DMD: variants seen among roughly 807,000 people sequenced by gnomAD.
DMD encodes the protein dystrophin.
DMD carries 63 observed loss-of-function variants against 330.1 expected under a neutral mutation model. That is an observed-to-expected ratio of 0.19 (90% CI 0.16 to 0.24). DMD has a LOEUF of 0.24. DMD is among the 10% of genes least tolerant of loss of function. The probability of loss-of-function intolerance (pLI) is 1.00; values close to 1 mark genes in which losing one functional copy is unlikely to be tolerated. For synonymous variants in DMD, 1,223 were observed against 959.8 expected (o/e 1.27, Z -5.07); for missense variants, 3,344 against 2,684.1 (o/e 1.25, Z -5.43).
rs766629288 is a variant in DMD, at chrX:32,197,541, G to C, written c.6438+19375C>G. 7.2e-5 allele frequency among the ~76,000 whole-genome samples: 8 copies of C among 111,235 alleles called. No individual in the cohort carries two copies. The South Asian group carries it at 3.1e-3, about 43-fold the overall frequency. ...CACTTAGCCCAGCAGTGAACTTCAGGGGGTCAATAGCATGCAAATATGTAT... is the reference window on the plus strand; with the variant it reads ...CACTTAGCCCAGCAGTGAACTTCAGCGGGTCAATAGCATGCAAATATGTAT... On this transcript the variant is annotated intron_variant, in intron 44 of 78. Transcript: ENST00000357033.
At chrX:31,510,827 T>G (rs1453466499) in intron 55 of DMD, among the ~76,000 whole-genome samples, 1 of 110,788 alleles carries the variant, frequency 9.0e-6, no homozygotes, top group African/African-American at 3.3e-5. Flanking sequence ...TCTTTTCACT[T>G]CTCATTTAGC....
intron 7 of DMD, among the ~76,000 whole-genome samples, chrX:32,739,256 C>A (rs1326678154): frequency 1.8e-5 from 2 of 111,875 alleles, no homozygotes; most frequent in East Asian, 5.6e-4. Flanking sequence ...ATGCTGTCCT[C>A]CCTACTGTTC....
intron 60 of DMD, among the ~76,000 whole-genome samples, chrX:31,443,936 G>A (rs746952888): frequency 1.8e-5 from 2 of 111,441 alleles, no homozygotes; most frequent in Admixed American, 9.5e-5. Flanking sequence ...CTGATCCCCC[G>A]TGTTGGTGGT....
intron 1 of DMD, among the ~76,000 whole-genome samples, chrX:33,327,489 T>C (rs1217496646): frequency 1.8e-5 from 2 of 112,000 alleles, no homozygotes; most frequent in African/African-American, 6.5e-5. Context: ...TTAACTCACC[T>C]AATCCGTATT....
intron 43 of DMD, among the ~76,000 whole-genome samples, chrX:32,230,913 A>T (rs11798439): frequency 0.096 from 10,753 of 111,917 alleles, 528 homozygotes; most frequent in Admixed American, 0.15. Context: ...TTTAGAAAAT[A>T]TTAAGTTATC....
intron 42 of DMD, among the ~76,000 whole-genome samples, chrX:32,294,779 C>T (rs1023831624): frequency 7.2e-5 from 8 of 110,997 alleles, no homozygotes; most frequent in African/African-American, 2.6e-4. Flanking sequence ...CAAGGCACTG[C>T]ACACAGAAAA....
intron 48 of DMD, among the ~76,000 whole-genome samples, chrX:31,872,965 G>T (rs2093915480): frequency 1.8e-5 from 2 of 110,916 alleles, no homozygotes; most frequent in Admixed American, 1.9e-4. Context: ...CTGAGACGAT[G>T]ATGTGTTTTG....
intron 25 of DMD, among the ~76,000 whole-genome samples, chrX:32,461,474 A>G (rs955460044): frequency 3.6e-5 from 4 of 111,489 alleles, no homozygotes; most frequent in Admixed American, 1.9e-4. Flanking sequence ...GCTTGGATCT[A>G]TAGCTTTTTT....
At chrX:32,551,956 T>C (rs1273465400) in intron 16 of DMD, among the ~76,000 whole-genome samples, 1 of 111,873 alleles carries the variant, frequency 8.9e-6, no homozygotes, top group Non-Finnish European at 1.9e-5. Flanking sequence ...AATTACAAAA[T>C]ATTGCTCAAG....
chrX:32,554,301 C>A (rs1457001282), intron 16 of DMD, among the ~76,000 whole-genome samples: 1 of 110,505 alleles, frequency 9.0e-6, no homozygotes, highest in Non-Finnish European at 1.9e-5. Flanking sequence ...GAAAAACCCT[C>A]CAAAAAACTA....
At chrX:31,448,780 T>G (rs2065475252) in intron 59 of DMD, among the ~76,000 whole-genome samples, 1 of 111,995 alleles carries the variant, frequency 8.9e-6, no homozygotes, top group African/African-American at 3.2e-5. Context: ...AGTCTAATTT[T>G]ATTATGACTA....
chrX:31,458,670 T>G (rs760822357), intron 59 of DMD, among the ~76,000 whole-genome samples: 37 of 110,519 alleles, frequency 3.3e-4, no homozygotes, highest in Non-Finnish European at 6.4e-4. Flanking sequence ...GTGGGGGTGA[T>G]GCTGCATTGA....
At chrX:32,670,452 C>A (rs997817004) in intron 9 of DMD, among the ~76,000 whole-genome samples, 6 of 111,818 alleles carry the variant, frequency 5.4e-5, no homozygotes, top group East Asian at 5.6e-4. Context: ...TTTTACTCTG[C>A]CTCTTACTAG....
At chrX:31,296,949 A>C (rs2054235105) in intron 62 of DMD, among the ~76,000 whole-genome samples, 1 of 112,149 alleles carries the variant, frequency 8.9e-6, no homozygotes, top group African/African-American at 3.2e-5. Context: ...TTTCTATGTC[A>C]TAACACATGC....
At chrX:31,886,904 C>A (rs892457347) in intron 47 of DMD, among the ~76,000 whole-genome samples, 7 of 111,960 alleles carry the variant, frequency 6.3e-5, no homozygotes, top group Non-Finnish European at 1.3e-4. Flanking sequence ...CACATGTATA[C>A]TTCTATAGAA....
At chrX:32,207,051 TA>T (rs983880688) in intron 44 of DMD, among the ~76,000 whole-genome samples, 1 of 111,078 alleles carries the variant, frequency 9.0e-6, no homozygotes, top group Non-Finnish European at 1.9e-5. Flanking sequence ...TTTAATAAAG[TA>T]AAAAAAATGA....
intron 40 of DMD, 130 bp downstream of exon 40, chrX:32,343,004 A>G (rs1484555051): frequency 1.5e-6 from 1 of 665,370 alleles, no homozygotes. Context: ...ACAACACACA[A>G]TACAAGGAAA....
chrX:32,286,129 T>C (rs1161329388), intron 43 of DMD, among the ~76,000 whole-genome samples: 3 of 111,138 alleles, frequency 2.7e-5, no homozygotes, highest in Non-Finnish European at 5.7e-5. Flanking sequence ...GTCCTGAGCA[T>C]ATAACACAAA....
chrX:31,201,513 A>T (rs1407069662), intron 67 of DMD, among the ~76,000 whole-genome samples: 1 of 112,788 alleles, frequency 8.9e-6, no homozygotes, highest in Non-Finnish European at 1.9e-5. Flanking sequence ...ACAGAGACAG[A>T]AATGTAACCA....
Sources: allele counts gnomAD v4.1 joint callset (sites outside exome capture counted in the v4.1 genomes callset), GRCh38; gene constraint gnomAD v4.1.1; transcripts MANE v1.5; gene names NCBI Gene and HGNC (gene_info 2026-07-23, HGNC 2026-07-21).